The following PLCL2 variants were observed in gnomAD, a reference collection of about 807,000 sequenced individuals.
The protein encoded by PLCL2 is phospholipase C like 2, also known as inactive phospholipase C-like protein 2.
Under a neutral mutation model 79.6 loss-of-function variants are expected in PLCL2, and 4 were observed. That is an observed-to-expected ratio of 0.05 (90% confidence interval 0.02 to 0.11). PLCL2 has a LOEUF of 0.11. PLCL2 is among the 10% of genes least tolerant of loss of function. The probability of loss-of-function intolerance (pLI) is 1.00; values close to 1 mark genes in which losing one functional copy is unlikely to be tolerated. For missense variants in PLCL2, 895 were observed against 1,291.0 expected, an observed-to-expected ratio of 0.69 and a Z score of 4.70; for synonymous variants, 484 against 457.7, an observed-to-expected ratio of 1.06 and a Z score of -0.73.
intron 1 of PLCL2, among the ~76,000 whole-genome samples, chr3:16,891,630 C>G (rs1180944606): frequency 1.3e-5 from 2 of 152,208 alleles, no homozygotes; most frequent in African/African-American, 4.8e-5. Context: ...GCCAAGCACC[C>G]ACATGTCTTG....
intron 1 of PLCL2, among the ~76,000 whole-genome samples, chr3:16,971,323 C>T (rs1218784937): frequency 1.3e-5 from 2 of 152,102 alleles, no homozygotes; most frequent in Non-Finnish European, 2.9e-5. Context: ...ATAGGGAATC[C>T]TTTCCCCATT....
At chr3:17,087,692 A>T (rs2065234558) in intron 5 of PLCL2, among the ~76,000 whole-genome samples, 1 of 152,206 alleles carries the variant, frequency 6.6e-6, no homozygotes, top group Non-Finnish European at 1.5e-5. Flanking sequence ...TGATTGTAAC[A>T]AGTATACCAC....
rs113776582 is a variant in PLCL2, at chr3:17,028,902, T to C, written c.3019-13972T>C. Among the ~76,000 whole-genome samples the C allele has an allele frequency of 3.8e-3, 573 of 152,278 alleles. 6 individuals carry two copies. Among genetic ancestry groups the C allele is most frequent in the African/African-American group, 0.013 (542 of 41,554 alleles). ...GTACTCAAAATCCATTTTTGGTGAA[T>C]GAATGAAAATAACCTTGATCTCCAG... On this transcript the variant is annotated intron_variant, in intron 3 of 5. Coordinates refer to ENST00000615277, the MANE Select transcript of PLCL2 (RefSeq NM_001144382.2).
intron 1 of PLCL2, among the ~76,000 whole-genome samples, chr3:16,948,157 T>G (rs769101677): frequency 6.8e-4 from 104 of 152,210 alleles, no homozygotes; most frequent in Non-Finnish European, 9.3e-4. Context: ...ATGTGGTATA[T>G]CCATACCATG....
chr3:17,043,776 A>T (rs566934705), intron 4 of PLCL2, among the ~76,000 whole-genome samples: 13 of 151,994 alleles, frequency 8.6e-5, no homozygotes, highest in African/African-American at 3.1e-4. Context: ...TATGTGTGAC[A>T]TTTTTTTTCT....
At chr3:16,895,116 A>G (rs1248605518) in intron 1 of PLCL2, among the ~76,000 whole-genome samples, 5 of 152,016 alleles carry the variant, frequency 3.3e-5, no homozygotes, top group African/African-American at 1.2e-4. Flanking sequence ...CGATATAGAT[A>G]TATGTTGAAA....
At chr3:16,926,285 G>T (rs1697248194) in intron 1 of PLCL2, among the ~76,000 whole-genome samples, 1 of 152,188 alleles carries the variant, frequency 6.6e-6, no homozygotes, top group South Asian at 2.1e-4. Flanking sequence ...TCAGACAGAT[G>T]CAAGGGCTGG....
chr3:16,969,957 T>C (rs1017955599), intron 1 of PLCL2, among the ~76,000 whole-genome samples: 2 of 151,610 alleles, frequency 1.3e-5, no homozygotes, highest in Admixed American at 6.6e-5. Context: ...TTAATTTCCT[T>C]GTTTACCCAA....
chr3:17,084,405 CAGAGTGA>C (rs2065194816), intron 5 of PLCL2, among the ~76,000 whole-genome samples: 1 of 152,122 alleles, frequency 6.6e-6, no homozygotes, highest in Admixed American at 6.5e-5. Context: ...AAAATAGAAG[CAGAGTGA>C]ATACTTCCTA....
chr3:16,965,267 T>G (rs553880181), intron 1 of PLCL2, among the ~76,000 whole-genome samples: 6 of 152,256 alleles, frequency 3.9e-5, no homozygotes, highest in Non-Finnish European at 7.3e-5. Flanking sequence ...CACCGTTTAT[T>G]AAATAGGGAA....
intron 3 of PLCL2, among the ~76,000 whole-genome samples, chr3:17,033,120 A>G (rs2064602907): frequency 6.6e-6 from 1 of 152,206 alleles, no homozygotes; most frequent in Non-Finnish European, 1.5e-5. Context: ...GTAACAGGAA[A>G]GACACATTGA....
intron 1 of PLCL2, among the ~76,000 whole-genome samples, chr3:16,897,109 T>G (rs1273564894): frequency 6.6e-6 from 1 of 152,160 alleles, no homozygotes; most frequent in Non-Finnish European, 1.5e-5. Context: ...GGGGCAGGAT[T>G]AAACCTTAAC....
chr3:16,959,622 A>G (rs1379398723), intron 1 of PLCL2, among the ~76,000 whole-genome samples: 7 of 152,208 alleles, frequency 4.6e-5, no homozygotes, highest in Middle Eastern at 3.4e-3. Context: ...TTTTCTATCA[A>G]TATGTTCCCC....
At chr3:16,984,801 G>A (rs573941405) in intron 1 of PLCL2, among the ~76,000 whole-genome samples, 14 of 151,988 alleles carry the variant, frequency 9.2e-5, no homozygotes, top group African/African-American at 2.2e-4. Flanking sequence ...GTGTGGTGGC[G>A]GGCACCTGTA....
At chr3:16,972,553 C>T (rs891217029) in intron 1 of PLCL2, among the ~76,000 whole-genome samples, 1 of 152,076 alleles carries the variant, frequency 6.6e-6, no homozygotes, top group African/African-American at 2.4e-5. Context: ...AGTTCCCTGC[C>T]TTGATGATCT....
chr3:17,015,153 G>A (rs949174886), intron 3 of PLCL2, among the ~76,000 whole-genome samples: 25 of 152,164 alleles, frequency 1.6e-4, no homozygotes, highest in Non-Finnish European at 5.9e-5. Context: ...TAGCTTCTCA[G>A]CTATATCTGA....
chr3:17,014,665 A>G (rs1276869992), intron 2 of PLCL2, 43 bp from the exon 3 acceptor site: 1 of 1,443,630 alleles, frequency 6.9e-7, no homozygotes, highest in East Asian at 2.3e-5. Context: ...AGAAAGTAAA[A>G]CCCCCAGTTA....
chr3:17,011,083 A>G lies in PLCL2; in HGVS notation c.1737A>G (p.Val579=), dbSNP rs2064316498. The change falls in exon 2 of 6, where the codon GTA becomes GTG. Residue 579 remains valine, a synonymous_variant. Transcript: ENST00000615277. This position sits in a 1 kb window ranked among gnomAD's most constrained non-coding sequence, Gnocchi z 7.9. The part of the protein sequence containing the change: ...AKKLSSNCSG[V]EGDVTDEDEG... ...AGCTGTCCTCAAATTGCTCTGGGGT[A>G]GAAGGAGATGTTACTGACGAAGATG... 6.2e-7 allele frequency: 1 copy of G among 1,613,972 alleles called. No homozygotes were observed. The highest frequency in any genetic ancestry group is 8.5e-7 in the Non-Finnish European group (1 of 1,180,012).
intron 1 of PLCL2, among the ~76,000 whole-genome samples, chr3:16,931,789 C>T (rs759046753): frequency 7.9e-5 from 12 of 152,128 alleles, no homozygotes; most frequent in Non-Finnish European, 1.2e-4. Flanking sequence ...GATATGAAAG[C>T]ATCTTGTATA....
Sources: allele counts gnomAD v4.1 joint callset (sites outside exome capture counted in the v4.1 genomes callset), GRCh38; gene constraint gnomAD v4.1.1; non-coding constraint Gnocchi (gnomAD v3.1); transcripts MANE v1.5; gene names NCBI Gene and HGNC (gene_info 2026-07-23, HGNC 2026-07-21).